RAB22A: variants seen among roughly 807,000 people sequenced by gnomAD.
RAB22A encodes ras-related protein Rab-22A.
A neutral mutation model predicts 30.2 loss-of-function variants in RAB22A; 13 were observed. That is an observed-to-expected ratio of 0.43 (90% CI 0.28 to 0.68). The LOEUF is 0.68. Ranked by LOEUF, RAB22A falls within the 30% of genes least tolerant of loss-of-function variation. RAB22A has a pLI of 0.18. For synonymous variants in RAB22A, 89 were observed against 87.2 expected (o/e 1.02, Z -0.11); for missense variants, 177 against 246.8 (o/e 0.72, Z 1.89).
rs1986277508 is a variant in RAB22A, at chr20:58,313,756, A to G, written c.116+2634A>G. 2.0e-5 allele frequency among the ~76,000 whole-genome samples: 3 copies of G among 152,306 alleles called. No homozygotes were observed. The South Asian group carries it at 6.2e-4, about 32-fold the overall frequency. On this transcript the variant is annotated intron_variant, in intron 2 of 6. Transcript: ENST00000244040. The stretch of plus-strand genomic sequence containing the variant: ...TAGACTGGGTGCTGGTGCCTAGACC[A>G]GGGGTGGGCAAACTGTGGCCTTTTT...
At chr20:58,336,460 C>T (rs1986755969) in intron 2 of RAB22A, among the ~76,000 whole-genome samples, 1 of 152,120 alleles carries the variant, frequency 6.6e-6, no homozygotes, top group Non-Finnish European at 1.5e-5. Context: ...CCTGGAGGAT[C>T]CTTAAAAGTA....
intron 6 of RAB22A, among the ~76,000 whole-genome samples, chr20:58,356,182 A>G (rs1159746307): frequency 1.3e-5 from 2 of 151,944 alleles, no homozygotes; most frequent in African/African-American, 2.4e-5. Context: ...GTGGTGGTGC[A>G]TGCCTGTAAT....
intron 2 of RAB22A, among the ~76,000 whole-genome samples, chr20:58,334,157 C>T (rs908725764): frequency 3.3e-5 from 5 of 151,790 alleles, no homozygotes; most frequent in Admixed American, 6.6e-5. Context: ...ATGGTGAAAC[C>T]GCGTCTCTAC....
intron 2 of RAB22A, among the ~76,000 whole-genome samples, chr20:58,329,449 C>T (rs1694631115): frequency 6.6e-6 from 1 of 152,148 alleles, no homozygotes; most frequent in Non-Finnish European, 1.5e-5. Context: ...TCCTGGCCTT[C>T]GTTGTTTTTG....
intron 2 of RAB22A, among the ~76,000 whole-genome samples, chr20:58,332,206 CAAAG>C (rs1342775327): frequency 6.6e-6 from 1 of 152,148 alleles, no homozygotes; most frequent in Non-Finnish European, 1.5e-5. Context: ...GCTGAGCACA[CAAAG>C]AAACCTAAAT....
chr20:58,313,633 C>G lies in RAB22A; in HGVS notation c.116+2511C>G, dbSNP rs73616257. Among the ~76,000 whole-genome samples the G allele has an allele frequency of 2.8e-4, 43 of 152,306 alleles. No homozygotes were observed. In the East Asian group the frequency reaches 8.1e-3, roughly 29 times the overall value. On this transcript the variant is annotated intron_variant, in intron 2 of 6. Coordinates refer to ENST00000244040, the MANE Select transcript of RAB22A (RefSeq NM_020673.3). Reference sequence around the variant, plus strand: ...CCTCCCTGCCATGCCACTAAAACCACCTTCCCCTGGTACCAGTTTCCATCT... The same window carrying G: ...CCTCCCTGCCATGCCACTAAAACCAGCTTCCCCTGGTACCAGTTTCCATCT...
At chr20:58,351,899 G>C (rs1193195491) in intron 3 of RAB22A, among the ~76,000 whole-genome samples, 3 of 152,196 alleles carry the variant, frequency 2.0e-5, no homozygotes, top group African/African-American at 7.2e-5. Flanking sequence ...AAAAGGCAAA[G>C]GTTGTCAAAA....
intron 2 of RAB22A, among the ~76,000 whole-genome samples, chr20:58,336,002 CTTTGTTTG>C (rs546838578): frequency 1.5e-3 from 227 of 151,936 alleles, no homozygotes; most frequent in African/African-American, 5.2e-3. Context: ...TGTTTGTTTT[CTTTGTTTG>C]TTTGTTTGTT....
rs897524353 is a variant in RAB22A at position 58,354,337 on chromosome 20, A to T, written c.487+72A>T. Reference sequence around the variant, plus strand: ...ACACAGAATGATCTTCCTGGTTAGAATTCCTGTCTTACTTAGAGCAGTCTA... The same window carrying T: ...ACACAGAATGATCTTCCTGGTTAGATTTCCTGTCTTACTTAGAGCAGTCTA... On this transcript the variant is annotated intron_variant, in intron 6 of 6. Coordinates refer to ENST00000244040, the MANE Select transcript of RAB22A (RefSeq NM_020673.3). 10 of 1,066,736 alleles carry T rather than the reference A, an allele frequency of 9.4e-6. No homozygotes were observed. In the Admixed American group the frequency reaches 2.2e-4, roughly 24 times the overall value. 66.1% of individuals were successfully genotyped at this position (1,066,736 alleles called of 1,614,324 possible).
intron 3 of RAB22A, among the ~76,000 whole-genome samples, chr20:58,350,002 C>T (rs1048984060): frequency 6.6e-6 from 1 of 152,102 alleles, no homozygotes; most frequent in Admixed American, 6.6e-5. Context: ...TGGCTCATGC[C>T]TTTAATCCCA....
In RAB22A at chr20:58,360,454, A is replaced by C. The variant is rs1987206653; in HGVS notation, c.*751A>C. 1 of 152,638 alleles carries C rather than the reference A, an allele frequency of 6.6e-6. No homozygotes were observed. Among genetic ancestry groups the C allele is most frequent in the Non-Finnish European group, 1.5e-5 (1 of 68,030 alleles). 9.5% of individuals were successfully genotyped at this position (152,638 alleles called of 1,614,324 possible). On this transcript the variant is annotated 3_prime_UTR_variant, in exon 7 of 7. Coordinates refer to ENST00000244040, the MANE Select transcript of RAB22A (RefSeq NM_020673.3). ...GAATAAACTGAATTTCATATGTTCT[A>C]AAATGACTAGCAATGGTTTAAAAAG... is the stretch of plus-strand genomic sequence containing the variant.
chr20:58,340,915 T>C (rs1246685914), intron 2 of RAB22A, among the ~76,000 whole-genome samples: 1 of 152,096 alleles, frequency 6.6e-6, no homozygotes, highest in Admixed American at 6.6e-5. Flanking sequence ...GAGCAGTCAG[T>C]GGTCCGTGGG....
chr20:58,366,668 G>C lies in RAB22A; in HGVS notation c.*6965G>C, dbSNP rs568406889. 6.6e-6 allele frequency: 1 copy of C among 152,120 alleles called. No individual in the cohort carries two copies. The highest frequency in any genetic ancestry group is 6.5e-5 in the Admixed American group (1 of 15,286). 9.4% of individuals were successfully genotyped at this position (152,120 alleles called of 1,614,324 possible). On this transcript the variant is annotated 3_prime_UTR_variant, in exon 7 of 7. Coordinates refer to ENST00000244040, the MANE Select transcript of RAB22A (RefSeq NM_020673.3). ...AACAAATAAAATAAGAAACACAGAG[G>C]CCAGTGTTAGGTGAAGAACTCCGCT... is the stretch of plus-strand genomic sequence containing the variant.
intron 3 of RAB22A, among the ~76,000 whole-genome samples, chr20:58,348,492 C>T (rs1252869205): frequency 6.6e-6 from 1 of 152,196 alleles, no homozygotes; most frequent in Non-Finnish European, 1.5e-5. Context: ...GCATCATCCA[C>T]ACTGGCCAGT....
intron 3 of RAB22A, among the ~76,000 whole-genome samples, chr20:58,346,880 T>C (rs1458461073): frequency 1.3e-5 from 2 of 152,206 alleles, no homozygotes; most frequent in Non-Finnish European, 2.9e-5. Flanking sequence ...GTCACCTGTT[T>C]CCTTACCTGT....
rs1490841928 is a variant in RAB22A at position 58,354,256 on chromosome 20, A to G, written c.478A>G (p.Ile160Val). ...CGCGATAAACATAAATGAACTCTTT[A>G]TAGAAATTAGTGAGTATCTCTGTGC... is the stretch of plus-strand genomic sequence containing the variant. ...KNAININELF[I>V]EISRRIPSTD... The change falls in exon 6 of 7, where the codon ATA (isoleucine) becomes GTA (valine). Residue 160 changes from isoleucine to valine, a missense_variant. Physicochemically the swap from Ile to Val is conservative, Grantham distance 29. Coordinates refer to ENST00000244040, the MANE Select transcript of RAB22A (RefSeq NM_020673.3). 5.0e-6 allele frequency: 8 copies of G among 1,608,836 alleles called. 1 individual carries two copies. In the Middle Eastern group the frequency reaches 4.9e-4, roughly 99 times the overall value.
intron 3 of RAB22A, among the ~76,000 whole-genome samples, chr20:58,348,923 C>T (rs964590681): frequency 2.6e-5 from 4 of 152,212 alleles, no homozygotes; most frequent in Non-Finnish European, 5.9e-5. Context: ...TGGCTACCTT[C>T]ACTCTACAAT....
chr20:58,353,603 C>A, intron 5 of RAB22A, 65 bp downstream of exon 5: 2 of 1,303,710 alleles, frequency 1.5e-6, no homozygotes, highest in South Asian at 1.3e-5. Context: ...AAGCAATATC[C>A]AGTTTAAGAA....
At chr20:58,310,921 G>A (rs929914748) in intron 1 of RAB22A, 122 bp from the exon 2 acceptor site, 33 of 778,444 alleles carry the variant, frequency 4.2e-5, no homozygotes, top group Middle Eastern at 2.3e-4. Context: ...GTGTTCCTCC[G>A]TTTATAAAAT....
Sources: gnomAD v4.1 joint callset for allele counts (sites outside exome capture counted in the v4.1 genomes callset) on GRCh38, gnomAD v4.1.1 for gene constraint, MANE v1.5 for transcripts, NCBI Gene and HGNC (gene_info 2026-07-23, HGNC 2026-07-21) for gene names.